Variants in TRPC4AP observed in about 807,000 individuals in gnomAD.
TRPC4AP encodes short transient receptor potential channel 4-associated protein.
TRPC4AP carries 45 observed loss-of-function variants against 99.0 expected under a neutral mutation model. The ratio of observed to expected loss-of-function variants is 0.45; its 90% CI spans 0.36 to 0.58. TRPC4AP has a LOEUF of 0.58. Among genes scored for constraint, TRPC4AP ranks in the 20% least tolerant of loss-of-function variants. The pLI is 0.00. For synonymous variants in TRPC4AP, 408 were observed against 385.8 expected, an observed-to-expected ratio of 1.06 and a Z score of -0.67; for missense variants, 879 against 985.3, an observed-to-expected ratio of 0.89 and a Z score of 1.44.
At chr20:35,051,938 G>C (rs1423302923) in intron 5 of TRPC4AP, among the ~76,000 whole-genome samples, 2 of 152,154 alleles carry the variant, frequency 1.3e-5, no homozygotes, top group African/African-American at 4.8e-5. Context: ...CAAGTCAACA[G>C]TGGCCACCCA....
chr20:35,057,736 A>T (rs958998282), intron 3 of TRPC4AP, among the ~76,000 whole-genome samples, 165 bp from the exon 4 acceptor site: 3 of 152,176 alleles, frequency 2.0e-5, no homozygotes, highest in Admixed American at 6.5e-5. Flanking sequence ...GCAGCAAGTC[A>T]GGAGACCCAG....
chr20:35,086,473 G>A (rs145122523), intron 1 of TRPC4AP, among the ~76,000 whole-genome samples: 60,025 of 102,966 alleles, frequency 0.58, 17,784 homozygotes, highest in Middle Eastern at 0.72. Flanking sequence ...GTGTGTGTGT[G>A]TGTATGTGTG....
intron 1 of TRPC4AP, among the ~76,000 whole-genome samples, chr20:35,091,681 C>T (rs180907070): frequency 6.6e-6 from 1 of 152,118 alleles, no homozygotes; most frequent in Non-Finnish European, 1.5e-5. Flanking sequence ...ACCTGGTTTA[C>T]CCTAAAGCAG....
At chr20:35,019,788 T>C (rs1224517464) in intron 9 of TRPC4AP, among the ~76,000 whole-genome samples, 2 of 152,192 alleles carry the variant, frequency 1.3e-5, no homozygotes, top group Admixed American at 1.3e-4. Context: ...GCTATCACCG[T>C]GGGATCTCAT....
At chr20:35,006,732 G>A (rs1443110338) in intron 14 of TRPC4AP, among the ~76,000 whole-genome samples, 157 bp from the exon 15 acceptor site, 1 of 152,240 alleles carries the variant, frequency 6.6e-6, no homozygotes, top group African/African-American at 2.4e-5. Flanking sequence ...TGGCTCCAAG[G>A]ACAGGACCAG....
At chr20:35,079,860 TAA>T (rs71196784) in intron 1 of TRPC4AP, among the ~76,000 whole-genome samples, 2 of 144,438 alleles carry the variant, frequency 1.4e-5, no homozygotes, top group African/African-American at 2.6e-5. Flanking sequence ...CTACTAAAAA[TAA>T]AAAAAAAAAA....
intron 2 of TRPC4AP, among the ~76,000 whole-genome samples, chr20:35,069,678 C>T (rs1029628390): frequency 3.3e-5 from 5 of 152,288 alleles, no homozygotes; most frequent in Admixed American, 1.3e-4. Context: ...GCCAGGCTCA[C>T]ACCTGTAATC....
chr20:35,055,054 T>G (rs534561186), intron 4 of TRPC4AP, 23 bp from the exon 5 acceptor site: 1 of 1,608,572 alleles, frequency 6.2e-7, no homozygotes, highest in African/African-American at 1.3e-5. Flanking sequence ...GGGTAATGAC[T>G]GGTTATTTTT....
At chr20:35,013,837 G>C (rs907010447) in intron 10 of TRPC4AP, among the ~76,000 whole-genome samples, 1 of 152,176 alleles carries the variant, frequency 6.6e-6, no homozygotes, top group Non-Finnish European at 1.5e-5. Context: ...TGAAAGAAGG[G>C]TTAGAAAGGC....
At chr20:35,069,444 T>C in intron 2 of TRPC4AP, 32 bp from the exon 3 acceptor site, 1 of 1,376,204 alleles carries the variant, frequency 7.3e-7, no homozygotes. Flanking sequence ...ACATACATTG[T>C]TTTAGTAACC....
At chr20:35,028,380 C>G (rs1196221826) in intron 8 of TRPC4AP, among the ~76,000 whole-genome samples, 1 of 152,018 alleles carries the variant, frequency 6.6e-6, no homozygotes, top group Non-Finnish European at 1.5e-5. Flanking sequence ...GTGTGAGCCA[C>G]CGCGCCCGGC....
intron 8 of TRPC4AP, among the ~76,000 whole-genome samples, chr20:35,034,806 GAA>G (rs1395150111): frequency 2.0e-5 from 3 of 152,094 alleles, no homozygotes; most frequent in Non-Finnish European, 2.9e-5. Flanking sequence ...ACTGTAGAAA[GAA>G]AAAGAGACGA....
chr20:35,009,567 G>A (rs2082587141), intron 12 of TRPC4AP, among the ~76,000 whole-genome samples: 1 of 152,202 alleles, frequency 6.6e-6, no homozygotes, highest in South Asian at 2.1e-4. Flanking sequence ...AATCACTTGA[G>A]CTCAGAAGTT....
At chr20:35,088,584 A>G (rs2084951756) in intron 1 of TRPC4AP, among the ~76,000 whole-genome samples, 1 of 152,250 alleles carries the variant, frequency 6.6e-6, no homozygotes, top group African/African-American at 2.4e-5. Flanking sequence ...CACACTGGCT[A>G]CGCTTTTAAA....
chr20:35,062,912 T>C (rs2084044051), intron 3 of TRPC4AP, among the ~76,000 whole-genome samples: 2 of 152,246 alleles, frequency 1.3e-5, no homozygotes, highest in East Asian at 1.9e-4. Context: ...TGCTCAGTTA[T>C]AGAAGCTAGA....
chr20:35,017,205 G>A (rs541632627), intron 9 of TRPC4AP, among the ~76,000 whole-genome samples: 1 of 152,276 alleles, frequency 6.6e-6, no homozygotes, highest in African/African-American at 2.4e-5. Context: ...TTTATATGTC[G>A]TGAACTGAAC....
At chr20:35,005,651 T>C in intron 16 of TRPC4AP, 44 bp downstream of exon 16, 1 of 1,566,180 alleles carries the variant, frequency 6.4e-7, no homozygotes, top group Non-Finnish European at 8.8e-7. Context: ...ATGCCAGCAT[T>C]CTTACCCTGC....
Position 35,014,521 on chromosome 20 carries a change from G to A in TRPC4AP, c.1351-1455C>T, listed in dbSNP as rs188686983. 1.9e-3 allele frequency among the ~76,000 whole-genome samples: 282 copies of A among 152,110 alleles called. 1 individual carries two copies. Among genetic ancestry groups the A allele is most frequent in the African/African-American group, 6.0e-3 (248 of 41,482 alleles). ...AAGCATTAGTGCCCCATGAGCAATC[G>A]AAAGAGACCTTAAGAAAGTATTTTA... is the stretch of plus-strand genomic sequence containing the variant. On this transcript the variant is annotated intron_variant, in intron 10 of 18. Coordinates refer to ENST00000252015, the MANE Select transcript of TRPC4AP (RefSeq NM_015638.3).
intron 3 of TRPC4AP, among the ~76,000 whole-genome samples, chr20:35,067,884 AC>A (rs2084186260): frequency 6.6e-6 from 1 of 152,194 alleles, no homozygotes; most frequent in South Asian, 2.1e-4. Context: ...TAGATAAAAC[AC>A]ATGGAGTTTC....
Sources: allele counts gnomAD v4.1 joint callset (sites outside exome capture counted in the v4.1 genomes callset), GRCh38; gene constraint gnomAD v4.1.1; transcripts MANE v1.5; gene names NCBI Gene and HGNC (gene_info 2026-07-23, HGNC 2026-07-21).